Variants in RARB observed in about 807,000 individuals in gnomAD.
RARB encodes the protein retinoic acid receptor beta, also known as HBV-activated protein.
Under a neutral mutation model 51.9 loss-of-function variants are expected in RARB, and 17 were observed. That is an observed-to-expected ratio of 0.33 (90% CI 0.22 to 0.49). The LOEUF (loss-of-function observed/expected upper bound fraction) is 0.49. Among genes scored for constraint, RARB ranks in the 20% least tolerant of loss-of-function variants. The pLI is 0.99. For synonymous variants in RARB, 215 were observed against 195.4 expected, an observed-to-expected ratio of 1.10 and a Z score of -0.84; for missense variants, 369 against 550.8, an observed-to-expected ratio of 0.67 and a Z score of 3.30.
chr3:24,943,219 C>T (rs1695706353), intron 2 of RARB, among the ~76,000 whole-genome samples: 2 of 152,140 alleles, frequency 1.3e-5, no homozygotes, highest in African/African-American at 4.8e-5. Flanking sequence ...GAAATAATAA[C>T]CAAAAGCATC....
intron 2 of RARB, among the ~76,000 whole-genome samples, chr3:24,878,045 A>G (rs1220075378): frequency 6.6e-6 from 1 of 152,174 alleles, no homozygotes; most frequent in Non-Finnish European, 1.5e-5. Context: ...AAGGTTCCAA[A>G]ATGAGAACAG....
intron 2 of RARB, among the ~76,000 whole-genome samples, chr3:24,927,629 G>A (rs533352308): frequency 3.3e-5 from 5 of 152,154 alleles, no homozygotes; most frequent in South Asian, 4.1e-4. Context: ...AGTTTGTATA[G>A]CCAAGAAATA....
In RARB at chr3:25,266,335, T is replaced by C. The variant is rs146184914; in HGVS notation, c.178+91760T>C. On this transcript the variant is annotated intron_variant, in intron 5 of 11. Transcript: ENST00000383772. ...CTTAAATTTAAAATTATGATTATAC[T>C]ATGCAGGCATCCTTTCTAATGTTTT... Among the ~76,000 whole-genome samples the C allele has an allele frequency of 1.7e-3, 255 of 152,308 alleles. 3 individuals are homozygous for C. Among genetic ancestry groups the C allele is most frequent in the Admixed American group, 0.013 (196 of 15,296 alleles).
intron 5 of RARB, among the ~76,000 whole-genome samples, chr3:25,403,013 A>C (rs2125495605): frequency 6.6e-6 from 1 of 152,202 alleles, no homozygotes; most frequent in Non-Finnish European, 1.5e-5. Flanking sequence ...AAACACAAAA[A>C]TTAGCTGGGC....
intron 1 of RARB, among the ~76,000 whole-genome samples, chr3:25,450,006 C>T (rs1262906154): frequency 2.6e-5 from 4 of 152,202 alleles, no homozygotes; most frequent in Non-Finnish European, 4.4e-5. Context: ...CCCGCCACAA[C>T]CTCCCAAGTG....
At chr3:25,555,417 C>T (rs1031812145) in intron 3 of RARB, 1 of 152,164 alleles carries the variant, frequency 6.6e-6, no homozygotes, top group Non-Finnish European at 1.5e-5. Context: ...ATTTGTTTAT[C>T]ATCTGCCTCC....
chr3:25,520,246 A>G (rs377761824), intron 3 of RARB, among the ~76,000 whole-genome samples: 1 of 152,220 alleles, frequency 6.6e-6, no homozygotes, highest in South Asian at 2.1e-4. Flanking sequence ...AACACTGGTT[A>G]TAAGAGTTTA....
At chr3:25,190,825 T>A (rs545419935) in intron 5 of RARB, among the ~76,000 whole-genome samples, 1 of 152,232 alleles carries the variant, frequency 6.6e-6, no homozygotes, top group South Asian at 2.1e-4. Context: ...CAAAAGTAAT[T>A]CCTGTCTAAT....
rs115896963 is a variant in RARB, at chr3:25,379,988, A to G, written c.179-81205A>G. ...GAGATTCTGAAAGACTGCAGAAAGA[A>G]TGACTGTGTAAGCTGCATGACTGGA... On this transcript the variant is annotated intron_variant, in intron 5 of 11. Transcript: ENST00000383772. 4.7e-3 allele frequency among the ~76,000 whole-genome samples: 713 copies of G among 152,236 alleles called. 11 individuals carry two copies. Among genetic ancestry groups the G allele is most frequent in the Middle Eastern group, 6.8e-3 (2 of 294 alleles).
At chr3:24,975,313 T>A (rs1468222769) in intron 2 of RARB, among the ~76,000 whole-genome samples, 1 of 152,144 alleles carries the variant, frequency 6.6e-6, no homozygotes, top group Non-Finnish European at 1.5e-5. Context: ...CACTACTGTT[T>A]TTTTGGTTTT....
chr3:24,862,077 A>G (rs937110774), intron 2 of RARB, among the ~76,000 whole-genome samples: 1 of 152,324 alleles, frequency 6.6e-6, no homozygotes, highest in East Asian at 1.9e-4. Context: ...AACATTTCCA[A>G]TGGTAGCACT....
intron 2 of RARB, among the ~76,000 whole-genome samples, chr3:25,043,580 A>G (rs543318031): frequency 1.3e-5 from 2 of 152,386 alleles, no homozygotes; most frequent in Admixed American, 6.5e-5. Context: ...CTCTAGAAAG[A>G]TAGCTTATTC....
At chr3:25,522,443 C>T (rs1698443198) in intron 3 of RARB, among the ~76,000 whole-genome samples, 1 of 152,160 alleles carries the variant, frequency 6.6e-6, no homozygotes, top group Non-Finnish European at 1.5e-5. Flanking sequence ...TCTGGCTTTT[C>T]ACCCTCAACA....
At chr3:25,084,977 C>T (rs1287033910) in intron 3 of RARB, among the ~76,000 whole-genome samples, 2 of 152,186 alleles carry the variant, frequency 1.3e-5, no homozygotes, top group Admixed American at 1.3e-4. Flanking sequence ...ACAGACAAGT[C>T]ATTTATGTGC....
intron 4 of RARB, among the ~76,000 whole-genome samples, chr3:25,142,236 A>G (rs570209133): frequency 6.6e-6 from 1 of 152,296 alleles, no homozygotes; most frequent in Non-Finnish European, 1.5e-5. Flanking sequence ...CAGGAGGCTG[A>G]GGCAGGAGAA....
upstream of RARB, among the ~76,000 whole-genome samples, chr3:25,427,475 TC>T (rs1381052443): frequency 2.0e-5 from 3 of 152,172 alleles, no homozygotes; most frequent in African/African-American, 7.2e-5. Flanking sequence ...TCAGTTTGAT[TC>T]CCCAACCCAT....
At chr3:25,042,820 T>C (rs1034757511) in intron 2 of RARB, among the ~76,000 whole-genome samples, 4 of 152,238 alleles carry the variant, frequency 2.6e-5, no homozygotes, top group African/African-American at 9.6e-5. Flanking sequence ...CCTTCATAAC[T>C]GAAACTTGGT....
At chr3:25,177,192 C>A (rs1008032784) in intron 5 of RARB, among the ~76,000 whole-genome samples, 1 of 152,224 alleles carries the variant, frequency 6.6e-6, no homozygotes, top group Non-Finnish European at 1.5e-5. Flanking sequence ...GAATATGACT[C>A]TGTTAGTTGG....
chr3:25,174,207 G>T, exon 5 of RARB: 1 of 343,974 alleles, frequency 2.9e-6, no homozygotes. Flanking sequence ...CCTGTAATCA[G>T]TGTAGCAAAA....
Sources: allele counts gnomAD v4.1 joint callset (sites outside exome capture counted in the v4.1 genomes callset), GRCh38; gene constraint gnomAD v4.1.1; transcripts MANE v1.5; gene names NCBI Gene and HGNC (gene_info 2026-07-23, HGNC 2026-07-21).